The following TPRG1 variants were observed in gnomAD, a reference collection of about 807,000 sequenced individuals.
TPRG1 encodes tumor protein p63-regulated gene 1 protein.
TPRG1 carries 29 observed loss-of-function variants against 29.3 expected under a neutral mutation model. The ratio of observed to expected loss-of-function variants is 0.99; its 90% CI spans 0.74 to 1.35. TPRG1 has a LOEUF of 1.35. Among genes scored for constraint, TPRG1 ranks in the 40% most tolerant of loss-of-function variants. The pLI, the probability that TPRG1 is intolerant of heterozygous loss-of-function variation, is 0.00. For synonymous variants in TPRG1, 130 were observed against 116.8 expected (o/e 1.11, Z -0.73); for missense variants, 327 against 335.0 (o/e 0.98, Z 0.19).
At position 189,117,746 on chromosome 3, in the gene TPRG1, A is replaced by G. The variant is rs534414451; in HGVS notation, c.-743-9311A>G. Among the ~76,000 whole-genome samples, 3 of 152,288 alleles carry G rather than the reference A, an allele frequency of 2.0e-5. No homozygotes were observed. In the East Asian group the frequency reaches 5.8e-4, roughly 29 times the overall value. On this transcript the variant is annotated intron_variant, in intron 1 of 6. Transcript: ENST00000412373. ...GTTGTACTCATTCCATCCTGCCACC[A>G]TGTGAAGAAGGTACTTGCTTCTCCT... is the stretch of plus-strand genomic sequence containing the variant.
chr3:189,187,234 T>C (rs1667650801), intron 1 of TPRG1, among the ~76,000 whole-genome samples: 1 of 152,046 alleles, frequency 6.6e-6, no homozygotes, highest in African/African-American at 2.4e-5. Flanking sequence ...GCGAGCCTCC[T>C]ATCTCAGCCT....
chr3:189,257,911 C>G (rs1458988297), intron 4 of TPRG1, among the ~76,000 whole-genome samples: 2 of 152,190 alleles, frequency 1.3e-5, no homozygotes, highest in Non-Finnish European at 2.9e-5. Flanking sequence ...AGCCTTTTAT[C>G]AAGGTTCTTA....
chr3:189,118,507 T>C (rs887717997), intron 1 of TPRG1, among the ~76,000 whole-genome samples: 1 of 152,108 alleles, frequency 6.6e-6, no homozygotes, highest in Non-Finnish European at 1.5e-5. Context: ...CTCCAGGGCT[T>C]GTCAGAGACC....
chr3:189,158,046 G>T (rs1726932096), intron 5 of TPRG1, among the ~76,000 whole-genome samples: 1 of 152,056 alleles, frequency 6.6e-6, no homozygotes, highest in South Asian at 2.1e-4. Flanking sequence ...CTTCTCACGG[G>T]GAGCACGTTT....
At chr3:189,011,594 C>T (rs1021393474) in intron 3 of TPRG1, among the ~76,000 whole-genome samples, 12 of 152,124 alleles carry the variant, frequency 7.9e-5, no homozygotes, top group Admixed American at 2.6e-4. Context: ...ATTTTTAAAA[C>T]TATCAGATCT....
rs988605729 is a variant in TPRG1 at position 189,321,287 on chromosome 3, T to G, written c.*467T>G. On this transcript the variant is annotated 3_prime_UTR_variant, in exon 6 of 6. Coordinates refer to ENST00000345063, the MANE Select transcript of TPRG1 (RefSeq NM_198485.4). ...CAAATTTATATTCCCATTCCCAATA[T>G]TTATTCCAAGACTCAGTTTTGCATT... The G allele has an allele frequency of 6.6e-6, 1 of 151,928 alleles. No homozygotes were observed. Among genetic ancestry groups the G allele is most frequent in the East Asian group, 1.9e-4 (1 of 5,142 alleles). 9.4% of individuals were successfully genotyped at this position (151,928 alleles called of 1,614,324 possible).
At chr3:189,021,122 T>C (rs1392745814) in intron 3 of TPRG1, among the ~76,000 whole-genome samples, 1 of 146,650 alleles carries the variant, frequency 6.8e-6, no homozygotes, top group African/African-American at 2.5e-5. Context: ...AGCCTATGTG[T>C]GTCTCTGCAC....
intron 4 of TPRG1, among the ~76,000 whole-genome samples, chr3:189,046,076 A>G (rs1381188805): frequency 6.6e-6 from 1 of 152,198 alleles, no homozygotes; most frequent in African/African-American, 2.4e-5. Flanking sequence ...GAGTCTGCAA[A>G]AGCTCAGCAG....
intron 4 of TPRG1, among the ~76,000 whole-genome samples, chr3:189,149,023 C>T (rs1725605327): frequency 6.6e-6 from 1 of 152,206 alleles, no homozygotes; most frequent in Admixed American, 6.5e-5. Context: ...GGTGTTAGCA[C>T]CAGCTTCGTC....
intron 3 of TPRG1, among the ~76,000 whole-genome samples, chr3:189,008,219 C>T (rs1020770603): frequency 1.3e-5 from 2 of 152,026 alleles, no homozygotes; most frequent in South Asian, 2.1e-4. Context: ...GTGAGCAATG[C>T]GAGTGCCATC....
chr3:189,013,919 T>C (rs1226699564), intron 3 of TPRG1, among the ~76,000 whole-genome samples: 1 of 152,232 alleles, frequency 6.6e-6, no homozygotes, highest in Non-Finnish European at 1.5e-5. Flanking sequence ...ATGGATCTCT[T>C]GAAGATAGCA....
intron 1 of TPRG1, among the ~76,000 whole-genome samples, chr3:189,186,270 G>T (rs1018839415): frequency 6.6e-6 from 1 of 152,160 alleles, no homozygotes; most frequent in Non-Finnish European, 1.5e-5. Context: ...GTGAGGGTGA[G>T]AGGGGAATTT....
At chr3:189,119,230 C>T (rs1180349005) in intron 1 of TPRG1, among the ~76,000 whole-genome samples, 1 of 152,156 alleles carries the variant, frequency 6.6e-6, no homozygotes, top group African/African-American at 2.4e-5. Context: ...TGCATGGGGC[C>T]TCTAACCCCC....
intron 4 of TPRG1, among the ~76,000 whole-genome samples, chr3:189,257,835 A>G (rs531185616): frequency 3.3e-5 from 5 of 152,262 alleles, no homozygotes; most frequent in South Asian, 2.1e-4. Context: ...TTCTCGTGCT[A>G]TGTTTCTCAG....
chr3:189,183,179 C>T (rs899424158), intron 1 of TPRG1, among the ~76,000 whole-genome samples: 17 of 152,154 alleles, frequency 1.1e-4, no homozygotes, highest in Admixed American at 1.0e-3. Flanking sequence ...TAAAGCTGGG[C>T]GTCCGGGGGA....
chr3:189,255,658 T>C (rs1579061994), intron 4 of TPRG1, among the ~76,000 whole-genome samples: 1 of 152,156 alleles, frequency 6.6e-6, no homozygotes, highest in Non-Finnish European at 1.5e-5. Context: ...GGTCCTGGGC[T>C]TTTTTTGGTC....
At chr3:189,267,386 G>A (rs1029388845) in intron 4 of TPRG1, among the ~76,000 whole-genome samples, 3 of 152,134 alleles carry the variant, frequency 2.0e-5, no homozygotes, top group Admixed American at 6.6e-5. Context: ...AATAGCTTGA[G>A]ATCTAATTGG....
At chr3:189,185,128 T>C (rs1730742278) in intron 1 of TPRG1, among the ~76,000 whole-genome samples, 1 of 152,216 alleles carries the variant, frequency 6.6e-6, no homozygotes, top group African/African-American at 2.4e-5. Flanking sequence ...GATGTAGTCC[T>C]TCTAAGAACC....
chr3:189,309,955 A>T (rs1446036568), intron 4 of TPRG1: 1 of 152,718 alleles, frequency 6.5e-6, no homozygotes, highest in African/African-American at 2.4e-5. Context: ...AAGAAGTCCC[A>T]TGTCTTTTCT....
Sources: allele counts gnomAD v4.1 joint callset (sites outside exome capture counted in the v4.1 genomes callset), GRCh38; gene constraint gnomAD v4.1.1; transcripts MANE v1.5; gene names NCBI Gene and HGNC (gene_info 2026-07-23, HGNC 2026-07-21).